Variants in CGN observed in about 807,000 individuals in gnomAD.
CGN encodes the protein cingulin.
CGN carries 121 observed loss-of-function variants against 157.1 expected under a neutral mutation model. That is an observed-to-expected ratio of 0.77 (90% confidence interval 0.66 to 0.90). The LOEUF is 0.90. Ranked by LOEUF, CGN falls within the 40% of genes least tolerant of loss-of-function variation. The pLI, the probability that CGN is intolerant of heterozygous loss-of-function variation, is 0.00. For missense variants in CGN, 1,424 were observed against 1,520.9 expected (o/e 0.94, Z 1.06); for synonymous variants, 535 against 607.5 (o/e 0.88, Z 1.76).
In CGN at chr1:151,534,097, T is replaced by C; in HGVS notation, c.2865T>C (p.Arg955=). The change falls in exon 15 of 21, where the codon CGT becomes CGC. Residue 955 remains arginine, a synonymous_variant. Coordinates refer to ENST00000271636, the MANE Select transcript of CGN (RefSeq NM_020770.3). ...AGCAAGAGGCAGAGAACAAGAAGCG[T>C]TCCCAGGACGACAGGGCCCGGCAGC... ...GLEQEAENKK[R]SQDDRARQLK... 4 of 1,609,680 alleles carry C rather than the reference T, an allele frequency of 2.5e-6. No individual in the cohort carries two copies. Among genetic ancestry groups the C allele is most frequent in the Non-Finnish European group, 3.4e-6 (4 of 1,177,958 alleles).
chr1:151,524,549 C>T lies in CGN; in HGVS notation c.1402-125C>T. 1 of 1,164,084 alleles carries T rather than the reference C, an allele frequency of 8.6e-7. No homozygotes were observed. The highest frequency in any genetic ancestry group is 1.4e-5 in the South Asian group (1 of 70,960). 72.1% of individuals were successfully genotyped at this position (1,164,084 alleles called of 1,614,324 possible). A position where few individuals can be genotyped will look rare whatever the true frequency, so the allele number is the denominator to read the frequency against. On this transcript the variant is annotated intron_variant, in intron 7 of 20. Transcript: ENST00000271636. This position sits in a 1 kb window ranked among gnomAD's most constrained non-coding sequence, Gnocchi z 4.4. ...TAAAGGAAACCTATCATTCTGGGCT[C>T]CAGTACTGGTACTAGAGCACCTGGT... is the stretch of plus-strand genomic sequence containing the variant.
chr1:151,516,668 G>A (rs756733450), intron 1 of CGN, among the ~76,000 whole-genome samples: 1 of 150,688 alleles, frequency 6.6e-6, no homozygotes, highest in Non-Finnish European at 1.5e-5. Flanking sequence ...TCAGCCTCCC[G>A]AGCAGCTGGG....
At chr1:151,515,020 T>TC (rs1664377279) in intron 1 of CGN, among the ~76,000 whole-genome samples, 1 of 152,018 alleles carries the variant, frequency 6.6e-6, no homozygotes, top group Non-Finnish European at 1.5e-5. Context: ...AAACATCTTT[T>TC]TTTTTTTTTT....
In CGN at chr1:151,536,859, C is replaced by T. The variant is rs1262392234; in HGVS notation, c.3436C>T (p.Gln1146Ter). The T allele has an allele frequency of 6.2e-7, 1 of 1,614,114 alleles. No homozygotes were observed. Among genetic ancestry groups the T allele is most frequent in the Non-Finnish European group, 8.5e-7 (1 of 1,180,026 alleles). Reference protein sequence around the residue: ...EEQHEVNEQLQARIKSLEKDS... With the variant: ...EEQHEVNEQL ...GCAGCATGAGGTCAATGAACAGCTC[C>T]AGGCCCGGATCAAGTCTCTGGAGAA... Residue 1146 changes from glutamine (Q) to a stop codon, truncating the protein, a stop_gained, in exon 20 of 21, where the codon CAG (glutamine) becomes TAG (stop). Transcript: ENST00000271636. LOFTEE classifies it high-confidence loss of function.
chr1:151,531,849 CAATGAAAAATGCACATCTTATCATT>C (rs1664843171), intron 13 of CGN, among the ~76,000 whole-genome samples: 5 of 152,092 alleles, frequency 3.3e-5, no homozygotes, highest in Non-Finnish European at 5.9e-5. Context: ...TATCATTTGT[CAATGAAAAATGCACATCTTATCATT>C]TGTCAATGAA....
At chr1:151,518,372 C>T (rs909712108) in intron 1 of CGN, 134 bp from the exon 2 acceptor site, 9 of 719,980 alleles carry the variant, frequency 1.3e-5, no homozygotes, top group Non-Finnish European at 2.0e-5. Context: ...TTAAAAGGCT[C>T]TCCAGGGGCC....
chr1:151,526,172 C>G (rs1664675454), intron 9 of CGN, among the ~76,000 whole-genome samples: 1 of 120,484 alleles, frequency 8.3e-6, no homozygotes, highest in South Asian at 3.1e-4. Flanking sequence ...GCGCCTGGCC[C>G]CCTTTCTCCT....
Position 151,519,204 on chromosome 1 carries a change from C to T in CGN, c.685C>T (p.Arg229Cys), listed in dbSNP as rs150022264. The T allele has an allele frequency of 1.6e-4, 258 of 1,614,078 alleles. 1 individual carries two copies. In the African/African-American group the frequency reaches 3.0e-3, roughly 19 times the overall value. Reference protein sequence around the residue: ...LPRDTFEERERQSTNHWTSST... With the variant: ...LPRDTFEERECQSTNHWTSST... ...ACGGGACACCTTTGAGGAACGGGAG[C>T]GCCAGTCCACCAACCACTGGACCTC... The change falls in exon 2 of 21, where the codon CGC (arginine) becomes TGC (cysteine). Residue 229 changes from arginine (R) to cysteine (C), a missense_variant. Coordinates refer to ENST00000271636, the MANE Select transcript of CGN (RefSeq NM_020770.3).
intron 1 of CGN, among the ~76,000 whole-genome samples, chr1:151,513,789 A>G (rs1278707882): frequency 6.6e-6 from 1 of 152,244 alleles, no homozygotes. Context: ...GTACAGGTGT[A>G]GAGTGTTCTC....
intron 2 of CGN, 108 bp from the exon 3 acceptor site, chr1:151,520,058 C>T: frequency 1.3e-6 from 1 of 789,050 alleles, no homozygotes; most frequent in Non-Finnish European, 2.0e-6. Context: ...AGGGACTTGA[C>T]CTGAGACTGC....
At chr1:151,523,188 C>T (rs552421886) in intron 5 of CGN, among the ~76,000 whole-genome samples, 7 of 152,084 alleles carry the variant, frequency 4.6e-5, no homozygotes, top group Non-Finnish European at 7.3e-5. Flanking sequence ...AGCCCGTGCT[C>T]GAGGCAAACA....
At chr1:151,517,018 C>T (rs1664429622) in intron 1 of CGN, among the ~76,000 whole-genome samples, 1 of 151,446 alleles carries the variant, frequency 6.6e-6, no homozygotes, top group Admixed American at 6.6e-5. Flanking sequence ...ATTAGCCGGG[C>T]ATGGTGGCAG....
Position 151,530,101 on chromosome 1 carries a change from C to T in CGN, c.2299C>T (p.Leu767=). 2 of 1,612,178 alleles carry T rather than the reference C, an allele frequency of 1.2e-6. No homozygotes were observed. Among genetic ancestry groups the T allele is most frequent in the South Asian group, 2.2e-5 (2 of 90,990 alleles). Residue 767 remains leucine (L), a synonymous_variant, in exon 12 of 21, where the codon CTG becomes TTG. Coordinates refer to ENST00000271636, the MANE Select transcript of CGN (RefSeq NM_020770.3). ...GGTGGAGGCACGACTACGGGACAAG[C>T]TGCAGCGGCTGGAGGTCAGTGGTTC... ...EAVEARLRDK[L]QRLEAEKQQL...
chr1:151,534,938 A>T (rs1664923603), intron 15 of CGN, 104 bp from the exon 16 acceptor site: 1 of 792,960 alleles, frequency 1.3e-6, no homozygotes, highest in Non-Finnish European at 2.1e-6. Context: ...GGGATGTGCA[A>T]GAGAGAAAAG....
intron 13 of CGN, among the ~76,000 whole-genome samples, chr1:151,531,346 A>C (rs1254193061): frequency 2.0e-5 from 3 of 152,178 alleles, no homozygotes; most frequent in Non-Finnish European, 4.4e-5. Context: ...ACCTAAATAC[A>C]AGAATCTTCA....
At chr1:151,513,707 A>G (rs1664350516) in intron 1 of CGN, among the ~76,000 whole-genome samples, 1 of 152,212 alleles carries the variant, frequency 6.6e-6, no homozygotes, top group Non-Finnish European at 1.5e-5. Context: ...CCAGATGCAT[A>G]TGGCTGGGCC....
Position 151,529,412 on chromosome 1 carries a change from G to A in CGN, c.1959G>A (p.Val653=). ...ELQAERQSQE[V]AGRHRDRELE... is the part of the protein sequence containing the mutation. ...AGGCAGAACGGCAGAGCCAGGAGGT[G>A]GCTGGGCGACACCGGGACCGGGAGT... Residue 653 remains valine (V), a synonymous_variant, in exon 11 of 21, where the codon GTG becomes GTA. Transcript: ENST00000271636. 6.2e-7 allele frequency: 1 copy of A among 1,613,710 alleles called. No individual in the cohort carries two copies. The highest frequency in any genetic ancestry group is 1.3e-5 in the African/African-American group (1 of 74,920).
rs549200379 is a variant in CGN at position 151,529,467 on chromosome 1, G to A, written c.2014G>A (p.Glu672Lys). ...LEKQLAVLRV[E>K]ADRGRELEEQ... ...GAAGCAGCTGGCGGTCCTGAGGGTCGAGGCTGATCGAGGTCGGGAGCTGGA... is the reference window on the plus strand; with the variant it reads ...GAAGCAGCTGGCGGTCCTGAGGGTCAAGGCTGATCGAGGTCGGGAGCTGGA... The change falls in exon 11 of 21, where the codon GAG becomes AAG. Residue 672 changes from glutamate to lysine, a missense_variant. Physicochemically the swap from Glu to Lys is moderately conservative, Grantham distance 56. This residue lies in a region of CGN where 1,187 missense variants were observed against 1,217.6 expected (regional missense o/e 0.97). Transcript: ENST00000271636. 27 of 1,613,840 alleles carry A rather than the reference G, an allele frequency of 1.7e-5. No homozygotes were observed. In the East Asian group the frequency reaches 1.8e-4, roughly 11 times the overall value.
chr1:151,518,117 G>A (rs1422565074), intron 1 of CGN, among the ~76,000 whole-genome samples: 1 of 152,192 alleles, frequency 6.6e-6, no homozygotes, highest in African/African-American at 2.4e-5. Context: ...AAAGTGGTGG[G>A]ATTACAGGTG....
Sources: allele counts gnomAD v4.1 joint callset (sites outside exome capture counted in the v4.1 genomes callset), GRCh38; gene constraint gnomAD v4.1.1; regional missense constraint gnomAD v4.1.1; non-coding constraint Gnocchi (gnomAD v3.1); transcripts MANE v1.5; gene names NCBI Gene and HGNC (gene_info 2026-07-23, HGNC 2026-07-21).